MAPKAPK3: variants seen among roughly 807,000 people sequenced by gnomAD.
MAPKAPK3 encodes the protein MAP kinase-activated protein kinase 3.
Under a neutral mutation model 49.2 loss-of-function variants are expected in MAPKAPK3, and 35 were observed. That is an observed-to-expected ratio of 0.71 (90% CI 0.54 to 0.94). The LOEUF (loss-of-function observed/expected upper bound fraction) is 0.94. Ranked by LOEUF, MAPKAPK3 falls within the 40% of genes least tolerant of loss-of-function variation. MAPKAPK3 has a pLI of 0.00. For synonymous variants in MAPKAPK3, 178 were observed against 188.7 expected (o/e 0.94, Z 0.46); for missense variants, 398 against 493.1 (o/e 0.81, Z 1.83).
At chr3:50,632,204 G>A (rs2032931847) in intron 2 of MAPKAPK3, among the ~76,000 whole-genome samples, 1 of 152,230 alleles carries the variant, frequency 6.6e-6, no homozygotes, top group Admixed American at 6.5e-5. Flanking sequence ...GGTTTGATGT[G>A]AAATCCCTTT....
At chr3:50,641,968 T>G (rs1193914369) in intron 4 of MAPKAPK3, among the ~76,000 whole-genome samples, 197 bp downstream of exon 4, 1 of 152,164 alleles carries the variant, frequency 6.6e-6, no homozygotes, top group Non-Finnish European at 1.5e-5. Flanking sequence ...TCTATGGCTT[T>G]GGGATGGAGG....
At chr3:50,629,089 C>G (rs1480987300) in intron 2 of MAPKAPK3, among the ~76,000 whole-genome samples, 1 of 152,064 alleles carries the variant, frequency 6.6e-6, no homozygotes, top group Non-Finnish European at 1.5e-5. Context: ...AGGGTCGCTC[C>G]CCTAAGATCA....
chr3:50,644,453 T>C lies in MAPKAPK3; in HGVS notation c.549T>C (p.Leu183=), dbSNP rs777216620. ...CATCTAAGGAGAAAGACGCAGTGCT[T>C]AAGCTCACCGATTTTGGCTTTGCTA... The part of the protein sequence containing the change: ...LYTSKEKDAV[L]KLTDFGFAKE... Residue 183 remains leucine, a synonymous_variant, in exon 6 of 11, where the codon CTT becomes CTC. Coordinates refer to ENST00000621469, the MANE Select transcript of MAPKAPK3 (RefSeq NM_001243925.2). 1 of 1,614,182 alleles carries C rather than the reference T, an allele frequency of 6.2e-7. No individual in the cohort carries two copies. Among genetic ancestry groups the C allele is most frequent in the South Asian group, 1.1e-5 (1 of 91,082 alleles).
intron 2 of MAPKAPK3, among the ~76,000 whole-genome samples, chr3:50,633,675 C>T (rs1335376000): frequency 6.6e-6 from 1 of 152,224 alleles, no homozygotes. Flanking sequence ...GCCAGGTGGC[C>T]ACAGGGCAAT....
chr3:50,634,636 G>A (rs1478182918), intron 2 of MAPKAPK3, among the ~76,000 whole-genome samples: 2 of 151,910 alleles, frequency 1.3e-5, no homozygotes, highest in Non-Finnish European at 2.9e-5. Flanking sequence ...TTACAGGTGC[G>A]TACCACCACA....
rs386396609 is a variant in MAPKAPK3, at chr3:50,635,406, CTTTTTTTTTTTTTT to C, written c.220-4944_220-4931del. On this transcript the variant is annotated intron_variant, in intron 2 of 10. Coordinates refer to ENST00000621469, the MANE Select transcript of MAPKAPK3 (RefSeq NM_001243925.2). ...CTCACTGGGGCCTCCTCAATTTAAT[CTTTTTTTTTTTTTT>C]TTTTTTTTTTTTTTTGAGATGGAGT... Among the ~76,000 whole-genome samples, 32 of 48,624 alleles carry C rather than the reference CTTTTTTTTTTTTTT, an allele frequency of 6.6e-4. 1 individual carries two copies. Among genetic ancestry groups the C allele is most frequent in the African/African-American group, 2.2e-3 (23 of 10,660 alleles). The allele number at this position is 48,624 out of a possible 152,430, so 31.9% of individuals were successfully genotyped here.
intron 2 of MAPKAPK3, among the ~76,000 whole-genome samples, chr3:50,625,945 G>A (rs1302127767): frequency 6.6e-6 from 1 of 152,112 alleles, no homozygotes; most frequent in African/African-American, 2.4e-5. Flanking sequence ...GGAAGGAGGA[G>A]TGAGTGCTGT....
chr3:50,616,629 C>A (rs1204046721), upstream of MAPKAPK3, among the ~76,000 whole-genome samples: 1 of 152,156 alleles, frequency 6.6e-6, no homozygotes, highest in Non-Finnish European at 1.5e-5. Context: ...AGGGGGCAGT[C>A]GCCAGTGCTG....
chr3:50,644,292 T>C, intron 5 of MAPKAPK3, 117 bp from the exon 6 acceptor site: 1 of 1,230,904 alleles, frequency 8.1e-7, no homozygotes. Flanking sequence ...TTTTTATAAA[T>C]GGACCTGGCT....
intron 2 of MAPKAPK3, among the ~76,000 whole-genome samples, chr3:50,626,397 ACT>A (rs1393327159): frequency 2.6e-5 from 4 of 151,952 alleles, no homozygotes; most frequent in Non-Finnish European, 4.4e-5. Context: ...AACACTCAAG[ACT>A]CTCTAGCTGG....
upstream of MAPKAPK3, among the ~76,000 whole-genome samples, chr3:50,613,343 A>C (rs2032384684): frequency 6.6e-6 from 1 of 152,248 alleles, no homozygotes; most frequent in South Asian, 2.1e-4. Context: ...GTTAAGTTTC[A>C]GATTTCAGGG....
upstream of MAPKAPK3, chr3:50,611,588 GC>G: frequency 6.6e-7 from 1 of 1,522,896 alleles, no homozygotes; most frequent in Non-Finnish European, 8.8e-7. Flanking sequence ...TCTCCCGTGC[GC>G]CCCTCGTGGT....
chr3:50,636,676 AAGAGGGAGGGCTTC>A (rs2033047787), intron 2 of MAPKAPK3, among the ~76,000 whole-genome samples: 1 of 152,198 alleles, frequency 6.6e-6, no homozygotes, highest in African/African-American at 2.4e-5. Flanking sequence ...ACAAAGGATG[AAGAGGGAGGGCTTC>A]TGAGAGGAGA....
intron 2 of MAPKAPK3, among the ~76,000 whole-genome samples, chr3:50,625,991 G>A (rs533723237): frequency 2.2e-4 from 33 of 152,258 alleles, no homozygotes; most frequent in Admixed American, 1.3e-3. Context: ...CCTGCTGCCC[G>A]CCTTGACCAG....
Position 50,648,213 on chromosome 3 carries a change from C to T in MAPKAPK3, c.*167C>T, listed in dbSNP as rs767997211. On this transcript the variant is annotated 3_prime_UTR_variant, in exon 11 of 11. Transcript: ENST00000621469. Reference sequence around the variant, plus strand: ...AGGATGGAGGACCCTGACCCTAAACCTCCTTCAGATCTCTGGCCCAGGCTC... The same window carrying T: ...AGGATGGAGGACCCTGACCCTAAACTTCCTTCAGATCTCTGGCCCAGGCTC... 8.8e-6 allele frequency: 6 copies of T among 684,080 alleles called. No homozygotes were observed. The highest frequency in any genetic ancestry group is 3.2e-5 in the Admixed American group (1 of 31,182). The allele number at this position is 684,080 out of a possible 1,614,324, so 42.4% of individuals were successfully genotyped here.
chr3:50,645,699 T>C lies in MAPKAPK3; in HGVS notation c.629-11T>C. The C allele has an allele frequency of 6.2e-7, 1 of 1,613,404 alleles. No homozygotes were observed. The highest frequency in any genetic ancestry group is 2.2e-5 in the East Asian group (1 of 44,878). ...GGGTCTGAGAGCCCTGCTGTCCCTC[T>C]GCCCTGGCAGCCCCTGAGGTCCTGG... On this transcript the variant is annotated splice_polypyrimidine_tract_variant and intron_variant, in intron 6 of 10. Transcript: ENST00000621469.
chr3:50,643,215 T>C (rs2033216329), intron 5 of MAPKAPK3, among the ~76,000 whole-genome samples: 1 of 152,168 alleles, frequency 6.6e-6, no homozygotes, highest in Non-Finnish European at 1.5e-5. Context: ...GATACCAGCA[T>C]TTTAAGGGAA....
Position 50,640,356 on chromosome 3 carries a change from C to G in MAPKAPK3, c.220-10C>G. On this transcript the variant is annotated splice_polypyrimidine_tract_variant and intron_variant, in intron 2 of 10. Transcript: ENST00000621469. ...TGAGCCTGACACTTTCTATGTGCAC[C>G]CACCTACAGCTCCTGTATGACAGCC... 1.9e-6 allele frequency: 3 copies of G among 1,610,534 alleles called. No homozygotes were observed. Among genetic ancestry groups the G allele is most frequent in the Non-Finnish European group, 2.5e-6 (3 of 1,177,908 alleles).
At chr3:50,611,787 C>T (rs999920700), upstream of MAPKAPK3, 6 of 1,201,982 alleles carry the variant, frequency 5.0e-6, no homozygotes, top group Non-Finnish European at 5.4e-6. Flanking sequence ...GAGGCAGTGG[C>T]GCGGACCGCC....
Sources: allele counts gnomAD v4.1 joint callset (sites outside exome capture counted in the v4.1 genomes callset), GRCh38; gene constraint gnomAD v4.1.1; transcripts MANE v1.5; gene names NCBI Gene and HGNC (gene_info 2026-07-23, HGNC 2026-07-21).